The following SLC17A6 variants were observed in gnomAD, a reference collection of about 807,000 sequenced individuals.
The protein encoded by SLC17A6 is vesicular glutamate transporter 2.
SLC17A6 carries 35 observed loss-of-function variants against 67.1 expected under a neutral mutation model. That is an observed-to-expected ratio of 0.52 (90% CI 0.40 to 0.69). SLC17A6 has a LOEUF of 0.69. SLC17A6 is among the 30% of genes least tolerant of loss of function. SLC17A6 has a pLI of 0.00. For synonymous variants in SLC17A6, 285 were observed against 252.3 expected (o/e 1.13, Z -1.23); for missense variants, 588 against 723.9 (o/e 0.81, Z 2.15).
intron 7 of SLC17A6, among the ~76,000 whole-genome samples, chr11:22,367,839 A>G (rs1474746373): frequency 2.0e-5 from 3 of 152,168 alleles, no homozygotes; most frequent in African/African-American, 7.2e-5. Flanking sequence ...TAAAGACAAT[A>G]TTTTACTTCT....
chr11:22,353,827 C>G (rs745569815), intron 3 of SLC17A6, among the ~76,000 whole-genome samples: 11 of 152,120 alleles, frequency 7.2e-5, no homozygotes, highest in Non-Finnish European at 1.3e-4. Flanking sequence ...AGGTCTGGGT[C>G]TTCACCCCAT....
At chr11:22,361,724 T>C (rs190458750) in intron 5 of SLC17A6, among the ~76,000 whole-genome samples, 1 of 152,308 alleles carries the variant, frequency 6.6e-6, no homozygotes, top group Non-Finnish European at 1.5e-5. Flanking sequence ...ACTTTTTGTT[T>C]GTTGCTAACT....
chr11:22,357,027 A>G (rs1855999222), intron 3 of SLC17A6, among the ~76,000 whole-genome samples: 1 of 152,240 alleles, frequency 6.6e-6, no homozygotes, highest in Non-Finnish European at 1.5e-5. Flanking sequence ...ATGCTGAAGT[A>G]TATTACTAAC....
intron 9 of SLC17A6, among the ~76,000 whole-genome samples, chr11:22,375,726 C>T (rs1220936344): frequency 6.6e-6 from 1 of 152,054 alleles, no homozygotes; most frequent in Non-Finnish European, 1.5e-5. Flanking sequence ...GTGATCTGCC[C>T]GCCTCGGCCT....
rs371993165 is a variant in SLC17A6 at position 22,377,722 on chromosome 11, C to G, written c.1731C>G (p.Asp577Glu). ...TACAAGACTCACATAGCTATAAGGA[C>G]CGAGTTGATTATTCATAACAAAACT... ...GEVQDSHSYKDRVDYS is the reference protein window; with the variant it reads ...GEVQDSHSYKERVDYS Residue 577 changes from aspartate (D) to glutamate (E), a missense_variant, in exon 12 of 12, where the codon GAC becomes GAG. By Grantham distance (45) the Asp-to-Glu change is conservative (BLOSUM62 2). This residue lies in a region of SLC17A6 where 414 missense variants were observed against 563.4 expected (regional missense o/e 0.73). Transcript: ENST00000263160. The G allele has an allele frequency of 5.7e-6, 9 of 1,574,560 alleles. No individual in the cohort carries two copies. The highest frequency in any genetic ancestry group is 7.8e-6 in the Non-Finnish European group (9 of 1,161,254).
At position 22,377,396 on chromosome 11, in the gene SLC17A6, T is replaced by C. The variant is rs2133880667; in HGVS notation, c.1414-9T>C. 6.3e-7 allele frequency: 1 copy of C among 1,589,694 alleles called. No homozygotes were observed. The highest frequency in any genetic ancestry group is 1.1e-5 in the South Asian group (1 of 87,998). On this transcript the variant is annotated splice_polypyrimidine_tract_variant and intron_variant, in intron 11 of 11. Transcript: ENST00000263160. ...TCAGTTCTCACAGTGCTGCTTTTTC[T>C]CACTGCAGTCACGTGAAGAGTGGCA...
At chr11:22,354,455 T>C (rs537704878) in intron 3 of SLC17A6, among the ~76,000 whole-genome samples, 2 of 152,296 alleles carry the variant, frequency 1.3e-5, no homozygotes, top group South Asian at 4.1e-4. Context: ...AAACTTATAC[T>C]TCGTTTAAGA....
intron 6 of SLC17A6, among the ~76,000 whole-genome samples, chr11:22,363,102 T>C (rs1289612705): frequency 1.3e-5 from 2 of 152,138 alleles, no homozygotes; most frequent in Non-Finnish European, 2.9e-5. Context: ...GAAAAAATAT[T>C]AAATTAGCTC....
chr11:22,341,553 G>T lies in SLC17A6; in HGVS notation c.112G>T (p.Gly38Trp). Residue 38 changes from glycine to tryptophan, a missense_variant, in exon 2 of 12, where the codon GGG (glycine) becomes TGG (tryptophan). Physicochemically the swap from Gly to Trp is radical, Grantham distance 184 (BLOSUM62 -2). Transcript: ENST00000263160. ...YRVLEKKQDT[G>W]ETIELTEDGK... is the part of the protein sequence containing the mutation. ...GGTGCTGGAGAAGAAGCAAGACACC[G>T]GGGAGACAATCGAGCTGACGGAGGA... The T allele has an allele frequency of 6.2e-7, 1 of 1,613,906 alleles. No individual in the cohort carries two copies. Among genetic ancestry groups the T allele is most frequent in the Non-Finnish European group, 8.5e-7 (1 of 1,180,028 alleles).
Position 22,362,698 on chromosome 11 carries a change from T to C in SLC17A6, c.662-41T>C, listed in dbSNP as rs749433815. The C allele has an allele frequency of 1.1e-5, 16 of 1,494,914 alleles. No homozygotes were observed. The South Asian group carries it at 1.8e-4, about 17-fold the overall frequency. The allele number at this position is 1,494,914 out of a possible 1,614,324, so 92.6% of individuals were successfully genotyped here. On this transcript the variant is annotated intron_variant, in intron 5 of 11. Coordinates refer to ENST00000263160, the MANE Select transcript of SLC17A6 (RefSeq NM_020346.3). ...GTGAGATGATATCAATAATTTCTAC[T>C]GATTTCACTCACCTTTCTCCCATTC...
chr11:22,370,883 A>C (rs531342041), intron 8 of SLC17A6, among the ~76,000 whole-genome samples: 23 of 152,260 alleles, frequency 1.5e-4, no homozygotes, highest in African/African-American at 4.3e-4. Flanking sequence ...ATTTTCTATG[A>C]GGATAAAATG....
intron 1 of SLC17A6, among the ~76,000 whole-genome samples, chr11:22,339,289 TGAA>T (rs1473569423): frequency 1.3e-5 from 2 of 150,476 alleles, no homozygotes; most frequent in Admixed American, 6.6e-5. Flanking sequence ...CTGTATTGAA[TGAA>T]GAAGAATCAA....
Position 22,338,602 on chromosome 11 carries a change from A to G in SLC17A6, c.69A>G (p.Ser23=). The G allele has an allele frequency of 1.2e-6, 2 of 1,613,072 alleles. No individual in the cohort carries two copies. The highest frequency in any genetic ancestry group is 1.7e-6 in the Non-Finnish European group (2 of 1,179,456). ...GGCTAAAGAATTTTGCTGGAAAATC[A>G]CTCGGCCAGATCTACAGGTAAGACA... ...KEGLKNFAGK[S]LGQIYRVLEK... The change falls in exon 1 of 12, where the codon TCA becomes TCG. Residue 23 remains serine, a synonymous_variant. Coordinates refer to ENST00000263160, the MANE Select transcript of SLC17A6 (RefSeq NM_020346.3).
chr11:22,345,934 C>A lies in SLC17A6; in HGVS notation c.458+2569C>A, dbSNP rs186955246. Among the ~76,000 whole-genome samples, 31 of 152,260 alleles carry A rather than the reference C, an allele frequency of 2.0e-4. No homozygotes were observed. The East Asian group carries it at 5.8e-3, about 28-fold the overall frequency. On this transcript the variant is annotated intron_variant, in intron 3 of 11. Transcript: ENST00000263160. The stretch of plus-strand genomic sequence containing the variant: ...CTACATAGAATTTTACCTTAGAAGA[C>A]TTTTAATAAACACAAAATCAGAGAT...
intron 8 of SLC17A6, among the ~76,000 whole-genome samples, chr11:22,374,380 C>A (rs565544025): frequency 5.3e-5 from 8 of 152,106 alleles, no homozygotes; most frequent in Non-Finnish European, 1.2e-4. Context: ...TAAAATACAG[C>A]TTCTTCAGGA....
At chr11:22,361,510 T>C (rs1856052898) in intron 5 of SLC17A6, among the ~76,000 whole-genome samples, 1 of 152,112 alleles carries the variant, frequency 6.6e-6, no homozygotes, top group African/African-American at 2.4e-5. Flanking sequence ...AGAAAATAAC[T>C]ATTATAATTT....
chr11:22,360,524 CT>C (rs1269652361), intron 4 of SLC17A6, among the ~76,000 whole-genome samples: 5 of 131,190 alleles, frequency 3.8e-5, no homozygotes, highest in South Asian at 2.6e-4. Flanking sequence ...ACCCGCTCTC[CT>C]TCCCCCCCCC....
rs1038508448 is a variant in SLC17A6 at position 22,376,787 on chromosome 11, C to G, written c.1413+115C>G. 67 of 1,045,376 alleles carry G rather than the reference C, an allele frequency of 6.4e-5. 1 individual carries two copies. The South Asian group carries it at 9.5e-4, about 15-fold the overall frequency. 64.8% of individuals were successfully genotyped at this position (1,045,376 alleles called of 1,614,324 possible). Reference sequence around the variant, plus strand: ...CATTTTCTTTCTTGTCCAGTCACCACATCTCTGAGTGGGAAATATAAATGA... The same window carrying G: ...CATTTTCTTTCTTGTCCAGTCACCAGATCTCTGAGTGGGAAATATAAATGA... On this transcript the variant is annotated intron_variant, in intron 11 of 11. Transcript: ENST00000263160.
At chr11:22,361,168 T>A (rs966642512) in intron 5 of SLC17A6, 184 bp downstream of exon 5, 5 of 511,972 alleles carry the variant, frequency 9.8e-6, no homozygotes, top group African/African-American at 9.6e-5. Flanking sequence ...AAATCTTCTA[T>A]TTATTCTTGT....
Sources: gnomAD v4.1 joint callset for allele counts (sites outside exome capture counted in the v4.1 genomes callset) on GRCh38, gnomAD v4.1.1 for gene constraint, gnomAD v4.1.1 regional missense constraint, MANE v1.5 for transcripts, NCBI Gene and HGNC (gene_info 2026-07-23, HGNC 2026-07-21) for gene names.